Variants in DLC1 observed in about 807,000 individuals in gnomAD.
DLC1 encodes the protein rho GTPase-activating protein 7.
A neutral mutation model predicts 140.3 loss-of-function variants in DLC1; 54 were observed. That is an observed-to-expected ratio of 0.38 (90% CI 0.31 to 0.48). The LOEUF is 0.48. DLC1 is among the 20% of genes least tolerant of loss of function. The probability of loss-of-function intolerance (pLI) is 0.96; values close to 1 mark genes in which losing one functional copy is unlikely to be tolerated. For missense variants in DLC1, 2,536 were observed against 1,907.0 expected (o/e 1.33, Z -6.14); for synonymous variants, 986 against 728.1 (o/e 1.35, Z -5.70).
At position 13,100,101 on chromosome 8, in the gene DLC1, GGCTGCTGCT is replaced by G; in HGVS notation, c.2227_2235del (p.Ser743_Ser745del). 2 of 1,613,458 alleles carry G rather than the reference GGCTGCTGCT, an allele frequency of 1.2e-6. No individual in the cohort carries two copies. The highest frequency in any genetic ancestry group is 1.7e-6 in the Non-Finnish European group (2 of 1,179,842). ...CTGACCGCGCTGCTGGTCTCCGACT[GGCTGCTGCT>G]GCTGCTGGTCTGCGTGGAGTTGGAA... On this transcript the variant is annotated inframe_deletion, in exon 9 of 18. Transcript: ENST00000276297.
intron 5 of DLC1, among the ~76,000 whole-genome samples, chr8:13,159,696 G>A (rs184538950): frequency 6.6e-5 from 10 of 152,174 alleles, no homozygotes; most frequent in South Asian, 2.1e-4. Context: ...CTCTCCAGAC[G>A]GCATCCAGGG....
chr8:13,158,064 G>T (rs190938172), intron 5 of DLC1, among the ~76,000 whole-genome samples: 141 of 152,296 alleles, frequency 9.3e-4, no homozygotes, highest in Non-Finnish European at 1.6e-3. Context: ...AAAGCCTTCA[G>T]ATATTTCAAT....
At chr8:13,316,063 T>C (rs1451032075) in intron 4 of DLC1, among the ~76,000 whole-genome samples, 1 of 152,146 alleles carries the variant, frequency 6.6e-6, no homozygotes, top group East Asian at 1.9e-4. Flanking sequence ...AACACCTCCC[T>C]TTCAAGAACA....
intron 5 of DLC1, among the ~76,000 whole-genome samples, chr8:13,139,655 G>T (rs1243577532): frequency 6.6e-6 from 1 of 152,152 alleles, no homozygotes; most frequent in South Asian, 2.1e-4. Context: ...TCCTTTTAAA[G>T]GCTATTTTAT....
chr8:13,195,664 C>G (rs571385145), intron 5 of DLC1, among the ~76,000 whole-genome samples: 28 of 152,224 alleles, frequency 1.8e-4, no homozygotes, highest in Admixed American at 1.3e-3. Flanking sequence ...AGAAGCCATA[C>G]AAAAACAGAT....
chr8:13,200,196 C>G lies in DLC1; in HGVS notation c.1349-84539G>C, dbSNP rs192539093. Among the ~76,000 whole-genome samples, 8 of 151,992 alleles carry G rather than the reference C, an allele frequency of 5.3e-5. 1 individual carries two copies. The highest frequency in any genetic ancestry group is 5.2e-4 in the Admixed American group (8 of 15,252). ...TAGCTGGAATTACAGGTGTATGCTA[C>G]CACGCCCTGCAAATTTTTTCTATTT... On this transcript the variant is annotated intron_variant, in intron 5 of 17. Transcript: ENST00000276297.
At chr8:13,463,028 A>G (rs1401394943) in intron 2 of DLC1, among the ~76,000 whole-genome samples, 1 of 152,162 alleles carries the variant, frequency 6.6e-6, no homozygotes, top group African/African-American at 2.4e-5. Context: ...GGCAATTTCA[A>G]ACTGAAATAT....
intron 2 of DLC1, among the ~76,000 whole-genome samples, chr8:13,445,681 G>A (rs1003595923): frequency 6.6e-6 from 1 of 152,104 alleles, no homozygotes; most frequent in African/African-American, 2.4e-5. Flanking sequence ...TAGGGAGGCC[G>A]AAGTTTTTGA....
intron 3 of DLC1, among the ~76,000 whole-genome samples, chr8:13,394,704 C>T (rs941883098): frequency 1.3e-5 from 2 of 152,140 alleles, no homozygotes; most frequent in Non-Finnish European, 2.9e-5. Flanking sequence ...ATGTCCCGCA[C>T]CCCAACTCTC....
intron 1 of DLC1, among the ~76,000 whole-genome samples, chr8:13,501,791 A>G (rs567192830): frequency 1.3e-5 from 2 of 152,202 alleles, no homozygotes; most frequent in Non-Finnish European, 2.9e-5. Flanking sequence ...TTCACTCTGC[A>G]CTCAAAAGAA....
Position 13,401,628 on chromosome 8 carries a change from C to A in DLC1, c.1024-9G>T, listed in dbSNP as rs897887475. 13 of 1,608,360 alleles carry A rather than the reference C, an allele frequency of 8.1e-6. No homozygotes were observed. In the African/African-American group the frequency reaches 1.6e-4, roughly 20 times the overall value. On this transcript the variant is annotated splice_polypyrimidine_tract_variant and intron_variant, in intron 2 of 17. Transcript: ENST00000276297. ...CGATCTTCTCTTATTTCCTGAGGAACAGAACATTTTGTTACTGAATCTGAA... is the reference window on the plus strand; with the variant it reads ...CGATCTTCTCTTATTTCCTGAGGAAAAGAACATTTTGTTACTGAATCTGAA...
chr8:13,167,506 AT>A (rs1327058776), intron 5 of DLC1, among the ~76,000 whole-genome samples: 1 of 152,080 alleles, frequency 6.6e-6, no homozygotes, highest in African/African-American at 2.4e-5. Flanking sequence ...AAACCTCGGT[AT>A]TTTATCTACC....
chr8:13,441,499 A>G (rs1363613928), intron 2 of DLC1, among the ~76,000 whole-genome samples: 1 of 152,260 alleles, frequency 6.6e-6, no homozygotes, highest in Non-Finnish European at 1.5e-5. Context: ...CGGATAGGCA[A>G]CTTCAGCAAA....
intron 1 of DLC1, among the ~76,000 whole-genome samples, chr8:13,522,659 AAAAT>A (rs1198662978): frequency 2.0e-5 from 3 of 151,878 alleles, no homozygotes; most frequent in Non-Finnish European, 2.9e-5. Context: ...AATAAATATA[AAAAT>A]AAATAAAATA....
At chr8:13,548,905 G>T (rs903019797) in intron 1 of DLC1, among the ~76,000 whole-genome samples, 1 of 152,054 alleles carries the variant, frequency 6.6e-6, no homozygotes, top group Non-Finnish European at 1.5e-5. Flanking sequence ...AAAAATGTTG[G>T]CATGAATTCA....
At chr8:13,592,639 C>T (rs1585312227) in intron 1 of DLC1, among the ~76,000 whole-genome samples, 1 of 152,014 alleles carries the variant, frequency 6.6e-6, no homozygotes, top group Non-Finnish European at 1.5e-5. Context: ...GATAGCTAAT[C>T]TGGGGCCTGC....
rs139290357 is a variant in DLC1, at chr8:13,249,172, G to T, written c.1348+56097C>A. Among the ~76,000 whole-genome samples, 1,399 of 152,254 alleles carry T rather than the reference G, an allele frequency of 9.2e-3. 25 individuals are homozygous for T. The highest frequency in any genetic ancestry group is 0.032 in the African/African-American group (1,324 of 41,514). On this transcript the variant is annotated intron_variant, in intron 5 of 17. Coordinates refer to ENST00000276297, the MANE Select transcript of DLC1 (RefSeq NM_182643.3). ...GCTCACTGCAACCTCTGCCTCCTGGGTTCAAGCGGTTCTCCTGCCTCAGCC... is the reference window on the plus strand; with the variant it reads ...GCTCACTGCAACCTCTGCCTCCTGGTTTCAAGCGGTTCTCCTGCCTCAGCC...
At chr8:13,374,191 C>T (rs1251112002) in intron 4 of DLC1, among the ~76,000 whole-genome samples, 1 of 152,164 alleles carries the variant, frequency 6.6e-6, no homozygotes, top group Non-Finnish European at 1.5e-5. Context: ...AGGTCAGTGG[C>T]TGTGTAGTTT....
chr8:13,214,299 G>A (rs556522548), intron 5 of DLC1: 3 of 218,608 alleles, frequency 1.4e-5, no homozygotes, highest in East Asian at 2.2e-4. Flanking sequence ...GAGGGCATCC[G>A]TAAATGACCA....
Sources: allele counts gnomAD v4.1 joint callset (sites outside exome capture counted in the v4.1 genomes callset), GRCh38; gene constraint gnomAD v4.1.1; transcripts MANE v1.5; gene names NCBI Gene and HGNC (gene_info 2026-07-23, HGNC 2026-07-21).